DAPK1: variants seen among roughly 807,000 people sequenced by gnomAD.
DAPK1 encodes the protein death associated protein kinase 1, also known as death-associated protein kinase 1.
Under a neutral mutation model 144.9 loss-of-function variants are expected in DAPK1, and 56 were observed. The ratio of observed to expected loss-of-function variants is 0.39; its 90% CI spans 0.31 to 0.48. DAPK1 has a LOEUF of 0.48. DAPK1 is among the 20% of genes least tolerant of loss of function. The pLI, the probability that DAPK1 is intolerant of heterozygous loss-of-function variation, is 0.95. For missense variants in DAPK1, 1,454 were observed against 1,875.4 expected (o/e 0.78, Z 4.15); for synonymous variants, 690 against 749.0 (o/e 0.92, Z 1.29).
At chr9:87,637,868 C>A in intron 3 of DAPK1, 75 bp from the exon 4 acceptor site, 1 of 1,503,578 alleles carries the variant, frequency 6.7e-7, no homozygotes, top group Non-Finnish European at 9.1e-7. Context: ...AGTTTGAGCG[C>A]ACCAATAGTC....
intron 8 of DAPK1, 89 bp downstream of exon 8, chr9:87,640,539 C>T: frequency 1.4e-6 from 2 of 1,417,366 alleles, no homozygotes; most frequent in South Asian, 2.7e-5. Context: ...CCACGTTCCT[C>T]AGACCCTGCT....
chr9:87,650,501 C>T (rs949978848), intron 16 of DAPK1: 28 of 239,804 alleles, frequency 1.2e-4, no homozygotes, highest in African/African-American at 3.1e-4. Context: ...TTCTATCATC[C>T]GCTGTGTTGT....
intron 14 of DAPK1, 29 bp from the exon 15 acceptor site, chr9:87,648,752 C>G: frequency 1.3e-6 from 2 of 1,591,954 alleles, no homozygotes; most frequent in Non-Finnish European, 1.7e-6. Flanking sequence ...AGATGTGGCT[C>G]TGAATCACCG....
chr9:87,499,861 G>T (rs1357623536), intron 2 of DAPK1, among the ~76,000 whole-genome samples: 2 of 152,140 alleles, frequency 1.3e-5, no homozygotes. Flanking sequence ...AGGGCTGATT[G>T]CTGTTTCCTT....
intron 2 of DAPK1, among the ~76,000 whole-genome samples, chr9:87,600,185 G>T (rs60804210): frequency 6.6e-6 from 1 of 152,180 alleles, no homozygotes; most frequent in African/African-American, 2.4e-5. Flanking sequence ...AGCTAGGAAC[G>T]TGTGCAGCAG....
intron 2 of DAPK1, among the ~76,000 whole-genome samples, chr9:87,507,494 C>T (rs372195091): frequency 4.4e-4 from 67 of 152,290 alleles, no homozygotes; most frequent in Non-Finnish European, 6.8e-4. Flanking sequence ...CATGAGCCAC[C>T]GCATCTGGTG....
chr9:87,518,119 T>TTG (rs1563970424), intron 2 of DAPK1, among the ~76,000 whole-genome samples: 80 of 147,484 alleles, frequency 5.4e-4, no homozygotes, highest in African/African-American at 1.8e-3. Context: ...TTTTTTTTTT[T>TTG]TTTTTTTTCT....
At chr9:87,652,426 C>T (rs1306434488) in intron 17 of DAPK1, among the ~76,000 whole-genome samples, 4 of 90,682 alleles carry the variant, frequency 4.4e-5, no homozygotes, top group African/African-American at 1.3e-4. Context: ...GATTCTGTGT[C>T]CTCCCACCTG....
chr9:87,521,308 G>C (rs1217672809), intron 2 of DAPK1, among the ~76,000 whole-genome samples: 3 of 152,340 alleles, frequency 2.0e-5, no homozygotes, highest in Non-Finnish European at 4.4e-5. Flanking sequence ...CACATCACTA[G>C]CTCCATTGTC....
intron 3 of DAPK1, among the ~76,000 whole-genome samples, chr9:87,606,599 C>T (rs370417822): frequency 3.9e-5 from 4 of 102,028 alleles, no homozygotes; most frequent in Non-Finnish European, 4.0e-5. Context: ...CTTCCTTCCT[C>T]CCTCCCTCCC....
intron 2 of DAPK1, among the ~76,000 whole-genome samples, chr9:87,509,773 T>G (rs1322285339): frequency 1.3e-5 from 2 of 152,186 alleles, no homozygotes; most frequent in Admixed American, 6.5e-5. Context: ...CTGCTGGGAG[T>G]GATGCCAGAA....
chr9:87,613,408 A>C (rs1828994338), intron 3 of DAPK1, among the ~76,000 whole-genome samples: 1 of 152,194 alleles, frequency 6.6e-6, no homozygotes, highest in Non-Finnish European at 1.5e-5. Flanking sequence ...TCTGGAATTC[A>C]GTTTGCCCAT....
rs979033151 is a variant in DAPK1, at chr9:87,497,992, C to T, written c.-224C>T. On this transcript the variant is annotated 5_prime_UTR_variant, in exon 1 of 26. Transcript: ENST00000408954. ...CGGCGCCTGGGAGGGATCTGCGCCCCCCACTCACTCCCTAGCTGTGTTCCC... is the reference window on the plus strand; with the variant it reads ...CGGCGCCTGGGAGGGATCTGCGCCCTCCACTCACTCCCTAGCTGTGTTCCC... 2.5e-5 allele frequency: 10 copies of T among 397,476 alleles called. No homozygotes were observed. Among genetic ancestry groups the T allele is most frequent in the African/African-American group, 1.4e-4 (7 of 48,706 alleles). 24.6% of individuals were successfully genotyped at this position (397,476 alleles called of 1,614,324 possible).
chr9:87,673,768 C>T (rs1049027048), intron 19 of DAPK1, among the ~76,000 whole-genome samples: 1 of 152,170 alleles, frequency 6.6e-6, no homozygotes, highest in Non-Finnish European at 1.5e-5. Context: ...AGGGAGGGAG[C>T]ATTTGCACCA....
chr9:87,638,616 A>G (rs1165656292), intron 4 of DAPK1, among the ~76,000 whole-genome samples: 1 of 152,238 alleles, frequency 6.6e-6, no homozygotes, highest in African/African-American at 2.4e-5. Flanking sequence ...GGAAGACACG[A>G]CAGGAGCAAT....
chr9:87,547,382 G>A (rs566585450), intron 2 of DAPK1, among the ~76,000 whole-genome samples: 3 of 152,270 alleles, frequency 2.0e-5, no homozygotes, highest in Admixed American at 6.5e-5. Flanking sequence ...GCACAGTGGT[G>A]GACATGTTCT....
Position 87,645,883 on chromosome 9 carries a change from GTCTC to G in DAPK1, c.1012-7_1012-4del, listed in dbSNP as rs1178493087. On this transcript the variant is annotated splice_polypyrimidine_tract_variant and splice_region_variant and intron_variant, in intron 11 of 25. Coordinates refer to ENST00000408954, the MANE Select transcript of DAPK1 (RefSeq NM_004938.4). ...ATGTAACTCTGTTTCCATCTTGGCT[GTCTC>G]TCTCAAGGATGAGGAAGACTCCTTT... is the stretch of plus-strand genomic sequence containing the variant. 3.1e-6 allele frequency: 5 copies of G among 1,613,184 alleles called. No homozygotes were observed. The East Asian group carries it at 8.9e-5, about 29-fold the overall frequency.
intron 2 of DAPK1, among the ~76,000 whole-genome samples, chr9:87,524,356 C>T (rs943969715): frequency 1.1e-4 from 17 of 152,326 alleles, no homozygotes; most frequent in Middle Eastern, 3.4e-3. Flanking sequence ...TCTGGGACCC[C>T]CTCACCCTCA....
chr9:87,696,883 A>G, intron 21 of DAPK1, 124 bp from the exon 22 acceptor site: 2 of 729,948 alleles, frequency 2.7e-6, no homozygotes, highest in Non-Finnish European at 5.1e-6. Context: ...AGATGTATAC[A>G]CATACAGAAG....
Sources: gnomAD v4.1 joint callset for allele counts (sites outside exome capture counted in the v4.1 genomes callset) on GRCh38, gnomAD v4.1.1 for gene constraint, MANE v1.5 for transcripts, NCBI Gene and HGNC (gene_info 2026-07-23, HGNC 2026-07-21) for gene names.